BBOX1: variants seen among roughly 807,000 people sequenced by gnomAD.
The protein encoded by BBOX1 is gamma-butyrobetaine hydroxylase 1, also known as gamma-butyrobetaine dioxygenase.
Under a neutral mutation model 41.6 loss-of-function variants are expected in BBOX1, and 35 were observed. The ratio of observed to expected loss-of-function variants is 0.84; its 90% CI spans 0.64 to 1.11. BBOX1 has a LOEUF of 1.11. Among genes scored for constraint, BBOX1 ranks in the 50% most tolerant of loss-of-function variants. The pLI, the probability that BBOX1 is intolerant of heterozygous loss-of-function variation, is 0.00. For missense variants in BBOX1, 458 were observed against 460.6 expected, an observed-to-expected ratio of 0.99 and a Z score of 0.05; for synonymous variants, 163 against 154.7, an observed-to-expected ratio of 1.05 and a Z score of -0.40.
At chr11:27,069,881 T>A (rs1035953571) in intron 4 of BBOX1, among the ~76,000 whole-genome samples, 2 of 152,110 alleles carry the variant, frequency 1.3e-5, no homozygotes, top group Non-Finnish European at 2.9e-5. Flanking sequence ...TTTTTCTGCA[T>A]CTGTTGAACT....
chr11:27,089,672 T>C (rs957303196), intron 4 of BBOX1, among the ~76,000 whole-genome samples: 17 of 151,960 alleles, frequency 1.1e-4, no homozygotes, highest in African/African-American at 4.1e-4. Flanking sequence ...GTCTTTAACA[T>C]CCCATCCACT....
At chr11:27,057,439 T>C in intron 4 of BBOX1, 124 bp downstream of exon 4, 1 of 733,306 alleles carries the variant, frequency 1.4e-6, no homozygotes, top group Non-Finnish European at 2.2e-6. Flanking sequence ...ATGTAAATTA[T>C]GTGGTGTATT....
rs539786334 is a variant in BBOX1, at chr11:27,113,550, GGA to G, written c.534-1901_534-1900del. Among the ~76,000 whole-genome samples, 71 of 151,822 alleles carry G rather than the reference GGA, an allele frequency of 4.7e-4. 1 individual carries two copies. The Middle Eastern group carries it at 0.027, about 59-fold the overall frequency. ...CCATTATCCTAAGCAAACTAACACA[GGA>G]ACAGAAAACCCAATACAGCATGTTT... is the stretch of plus-strand genomic sequence containing the variant. On this transcript the variant is annotated intron_variant, in intron 5 of 8. Transcript: ENST00000263182.
chr11:27,110,471 C>T (rs1351300261), intron 5 of BBOX1, among the ~76,000 whole-genome samples: 1 of 151,930 alleles, frequency 6.6e-6, no homozygotes, highest in Non-Finnish European at 1.5e-5. Flanking sequence ...CTGTCCCAAC[C>T]ATGCTGACCT....
At chr11:27,123,065 C>A (rs1201616152) in intron 7 of BBOX1, among the ~76,000 whole-genome samples, 1 of 152,092 alleles carries the variant, frequency 6.6e-6, no homozygotes, top group African/African-American at 2.4e-5. Context: ...CTCTAACATT[C>A]TTCAATCCTC....
chr11:27,106,838 G>C (rs929637509), intron 5 of BBOX1, among the ~76,000 whole-genome samples: 2 of 152,150 alleles, frequency 1.3e-5, no homozygotes, highest in African/African-American at 2.4e-5. Context: ...ATGGTTGGAA[G>C]TAAAGCACCC....
At chr11:27,061,904 T>TTC (rs770653424) in intron 4 of BBOX1, among the ~76,000 whole-genome samples, 61,697 of 151,672 alleles carry the variant, frequency 0.41, 13,058 homozygotes, top group African/African-American at 0.54. Context: ...TATCAAGATT[T>TTC]TTTTAAAAGA....
chr11:27,087,458 T>C (rs1013401362), intron 4 of BBOX1, among the ~76,000 whole-genome samples: 1 of 152,078 alleles, frequency 6.6e-6, no homozygotes, highest in Admixed American at 6.6e-5. Flanking sequence ...ATTTTTTAAT[T>C]AAGGTATACA....
rs1416670598 is a variant in BBOX1, at chr11:27,073,406, G to A, written c.334+16091G>A. On this transcript the variant is annotated intron_variant, in intron 4 of 8. Coordinates refer to ENST00000263182, the MANE Select transcript of BBOX1 (RefSeq NM_003986.3). ...AGAATGGCGATCATTAAAAAGTCAG[G>A]AAACAACAGGTGCTGGAGAGGATGT... 4.0e-5 allele frequency among the ~76,000 whole-genome samples: 6 copies of A among 151,894 alleles called. No homozygotes were observed. The East Asian group carries it at 7.7e-4, about 20-fold the overall frequency.
intron 6 of BBOX1, 43 bp from the exon 7 acceptor site, chr11:27,119,606 G>A (rs1239968523): frequency 2.9e-6 from 3 of 1,042,568 alleles, no homozygotes; most frequent in Non-Finnish European, 3.8e-6. Flanking sequence ...TAATTAAAAT[G>A]TAATTTAATA....
intron 2 of BBOX1, among the ~76,000 whole-genome samples, chr11:27,045,118 T>C (rs1341664909): frequency 6.6e-6 from 1 of 152,192 alleles, no homozygotes; most frequent in Non-Finnish European, 1.5e-5. Context: ...CAATGGTTTG[T>C]AGTTCTCCTT....
chr11:27,071,398 G>A (rs886765523), intron 4 of BBOX1, among the ~76,000 whole-genome samples: 1 of 151,398 alleles, frequency 6.6e-6, no homozygotes, highest in Non-Finnish European at 1.5e-5. Context: ...AAAAAAAGGG[G>A]GCTAAAGATA....
At chr11:27,121,214 T>A (rs1016360888) in intron 7 of BBOX1, among the ~76,000 whole-genome samples, 9 of 152,214 alleles carry the variant, frequency 5.9e-5, no homozygotes, top group Admixed American at 1.3e-4. Flanking sequence ...CCTAAGGACA[T>A]GTCTGGAGTG....
At chr11:27,102,655 T>A (rs1858704028) in intron 5 of BBOX1, among the ~76,000 whole-genome samples, 2 of 152,130 alleles carry the variant, frequency 1.3e-5, no homozygotes, top group Non-Finnish European at 2.9e-5. Context: ...AACATAAATT[T>A]ACTGCTCAGC....
At chr11:27,078,830 T>C (rs974114775) in intron 4 of BBOX1, among the ~76,000 whole-genome samples, 1 of 152,166 alleles carries the variant, frequency 6.6e-6, no homozygotes, top group Admixed American at 6.6e-5. Context: ...TTCTGTGAAC[T>C]TGACTTAGTT....
At chr11:27,121,484 T>G (rs976371133) in intron 7 of BBOX1, among the ~76,000 whole-genome samples, 3 of 152,142 alleles carry the variant, frequency 2.0e-5, no homozygotes, top group African/African-American at 7.2e-5. Flanking sequence ...GAAGACCAGC[T>G]AGGAAGCTAC....
At chr11:27,071,295 T>C (rs538013740) in intron 4 of BBOX1, among the ~76,000 whole-genome samples, 118 of 150,924 alleles carry the variant, frequency 7.8e-4, no homozygotes, top group Middle Eastern at 3.4e-3. Context: ...GGCAGGAGAA[T>C]GGCATGAACC....
intron 3 of BBOX1, among the ~76,000 whole-genome samples, chr11:27,056,261 T>C (rs1856976166): frequency 6.6e-6 from 1 of 152,124 alleles, no homozygotes; most frequent in African/African-American, 2.4e-5. Flanking sequence ...TACTTACTTT[T>C]ATTTATTTAT....
intron 2 of BBOX1, among the ~76,000 whole-genome samples, chr11:27,045,117 G>C (rs980104991): frequency 6.6e-6 from 1 of 152,146 alleles, no homozygotes; most frequent in African/African-American, 2.4e-5. Flanking sequence ...GCAATGGTTT[G>C]TAGTTCTCCT....
Sources: gnomAD v4.1 joint callset for allele counts (sites outside exome capture counted in the v4.1 genomes callset) on GRCh38, gnomAD v4.1.1 for gene constraint, MANE v1.5 for transcripts, NCBI Gene and HGNC (gene_info 2026-07-23, HGNC 2026-07-21) for gene names.